The following QPCT variants were observed in gnomAD, a reference collection of about 807,000 sequenced individuals.
The protein encoded by QPCT is glutaminyl-peptide cyclotransferase.
A neutral mutation model predicts 43.4 loss-of-function variants in QPCT; 44 were observed. The ratio of observed to expected loss-of-function variants is 1.01; its 90% confidence interval spans 0.80 to 1.30. The LOEUF is 1.30. QPCT is among the 50% of genes most tolerant of loss of function. QPCT has a pLI of 0.00. For missense variants in QPCT, 526 were observed against 436.5 expected (o/e 1.21, Z -1.83); for synonymous variants, 168 against 168.4 (o/e 1.00, Z 0.02).
chr2:37,372,306 T>C (rs1235697647), intron 5 of QPCT, 50 bp from the exon 6 acceptor site: 2 of 1,285,020 alleles, frequency 1.6e-6, no homozygotes, highest in Non-Finnish European at 2.3e-6. Context: ...ATTATGAGTC[T>C]TGATAAGATA....
rs1199567079 is a variant in QPCT at position 37,348,055 on chromosome 2, C to T, written c.120+3204C>T. Among the ~76,000 whole-genome samples, 9 of 99,930 alleles carry T rather than the reference C, an allele frequency of 9.0e-5. No homozygotes were observed. The East Asian group carries it at 1.4e-3, about 16-fold the overall frequency. The allele number at this position is 99,930 out of a possible 152,430, so 65.6% of individuals were successfully genotyped here. On this transcript the variant is annotated intron_variant, in intron 1 of 6. Transcript: ENST00000338415. ...TTATTTCTATCTCTCTCTCTCTGCG[C>T]GCGCACGCGTGTGTGTGTGTGTGTG...
chr2:37,366,033 G>A (rs1672952341), intron 3 of QPCT, among the ~76,000 whole-genome samples: 1 of 152,222 alleles, frequency 6.6e-6, no homozygotes. Flanking sequence ...AGGCAGAAAG[G>A]GGCAAGGGAG....
intron 3 of QPCT, among the ~76,000 whole-genome samples, chr2:37,364,739 C>T (rs1417743590): frequency 6.6e-6 from 1 of 152,072 alleles, no homozygotes; most frequent in African/African-American, 2.4e-5. Context: ...CCGGGGGAAC[C>T]TCAGGAGATG....
chr2:37,354,224 A>G (rs72864855), intron 2 of QPCT, among the ~76,000 whole-genome samples: 25,503 of 152,136 alleles, frequency 0.17, 4,839 homozygotes, highest in African/African-American at 0.47. Flanking sequence ...AGATATCCAT[A>G]TGTCTGTGTC....
Position 37,352,904 on chromosome 2 carries a change from C to T in QPCT, c.236C>T (p.Pro79Leu), listed in dbSNP as rs200573148. Reference protein sequence around the residue: ...DLQPLLIERYPGSPGSYAARQ... With the variant: ...DLQPLLIERYLGSPGSYAARQ... The stretch of plus-strand genomic sequence containing the variant: ...CAGCCATTGCTGATAGAGCGATACC[C>T]GGGATCCCCTGGAAGCTATGCTGCT... The change falls in exon 2 of 7, where the codon CCG becomes CTG. Residue 79 changes from proline (P) to leucine (L), a missense_variant. By Grantham distance (98) the Pro-to-Leu change is moderately conservative. Transcript: ENST00000338415. The T allele has an allele frequency of 2.2e-5, 36 of 1,613,882 alleles. No homozygotes were observed. Among genetic ancestry groups the T allele is most frequent in the African/African-American group, 4.0e-5 (3 of 74,898 alleles).
chr2:37,354,746 G>A (rs1169782792), intron 2 of QPCT, among the ~76,000 whole-genome samples: 2 of 152,050 alleles, frequency 1.3e-5, no homozygotes, highest in Non-Finnish European at 2.9e-5. Context: ...GCATTTAATT[G>A]GCATTTTCCA....
At chr2:37,359,970 G>T in intron 3 of QPCT, 112 bp downstream of exon 3, 1 of 1,150,698 alleles carries the variant, frequency 8.7e-7, no homozygotes, top group Non-Finnish European at 1.2e-6. Flanking sequence ...GGAGACTTTT[G>T]GTACATTTTT....
In QPCT at chr2:37,352,731, A is replaced by G. The variant is rs1572729469; in HGVS notation, c.121-58A>G. On this transcript the variant is annotated intron_variant, in intron 1 of 6. Coordinates refer to ENST00000338415, the MANE Select transcript of QPCT (RefSeq NM_012413.4). ...TTAAGCAATTAATTGAAAACATGTC[A>G]GAGTCTTAAACATGTTATGAAAGGA... 12 of 1,557,862 alleles carry G rather than the reference A, an allele frequency of 7.7e-6. 1 individual carries two copies. Among genetic ancestry groups the G allele is most frequent in the Non-Finnish European group, 1.8e-6 (2 of 1,135,594 alleles).
intron 2 of QPCT, among the ~76,000 whole-genome samples, chr2:37,357,895 A>G (rs1174981491): frequency 1.3e-5 from 2 of 152,114 alleles, no homozygotes; most frequent in East Asian, 3.8e-4. Flanking sequence ...AAAAAAAAAT[A>G]AAAGCCCTCA....
chr2:37,357,793 T>C (rs775569574), intron 2 of QPCT, among the ~76,000 whole-genome samples: 41 of 152,148 alleles, frequency 2.7e-4, no homozygotes, highest in Non-Finnish European at 5.0e-4. Context: ...CGCAGTTGTT[T>C]TGAGTCTCTT....
At chr2:37,358,543 A>G (rs547751337) in intron 2 of QPCT, among the ~76,000 whole-genome samples, 37 of 152,224 alleles carry the variant, frequency 2.4e-4, no homozygotes, top group Non-Finnish European at 5.1e-4. Flanking sequence ...ATGAATCAGC[A>G]ATGAACTCAC....
chr2:37,364,756 G>C (rs1487849147), intron 3 of QPCT, among the ~76,000 whole-genome samples: 2 of 152,080 alleles, frequency 1.3e-5, no homozygotes, highest in Non-Finnish European at 2.9e-5. Flanking sequence ...GATGAGTTTT[G>C]ACACTTTGTT....
intron 1 of QPCT, among the ~76,000 whole-genome samples, chr2:37,347,811 C>T (rs1365669647): frequency 6.6e-6 from 1 of 152,128 alleles, no homozygotes; most frequent in South Asian, 2.1e-4. Context: ...TCCTTAGGTG[C>T]GAATGACTGA....
At chr2:37,370,630 C>G (rs893850656) in intron 5 of QPCT, among the ~76,000 whole-genome samples, 1 of 151,976 alleles carries the variant, frequency 6.6e-6, no homozygotes, top group Admixed American at 6.6e-5. Context: ...TCCAAAGAAG[C>G]AAGAGATCAG....
chr2:37,344,689 C>G lies in QPCT; in HGVS notation c.-43C>G. The G allele has an allele frequency of 6.4e-7, 1 of 1,566,630 alleles. No individual in the cohort carries two copies. Among genetic ancestry groups the G allele is most frequent in the Non-Finnish European group, 8.6e-7 (1 of 1,158,136 alleles). On this transcript the variant is annotated 5_prime_UTR_variant, in exon 1 of 7. Transcript: ENST00000338415. ...GGACGCGCGTTCCCGGGCTCGTGAC[C>G]GCCAGCGGCCCGGGGAACCCGCTCC...
chr2:37,354,901 C>G (rs1672709157), intron 2 of QPCT, among the ~76,000 whole-genome samples: 1 of 151,986 alleles, frequency 6.6e-6, no homozygotes. Flanking sequence ...GCCTGAGGTT[C>G]TTTGCCTGCA....
chr2:37,346,937 G>C (rs1025103675), intron 1 of QPCT, among the ~76,000 whole-genome samples: 2 of 151,432 alleles, frequency 1.3e-5, no homozygotes, highest in African/African-American at 2.4e-5. Flanking sequence ...CCTTCGTTTT[G>C]AAATAAAGAT....
Position 37,372,362 on chromosome 2 carries a change from A to G in QPCT, c.830A>G (p.Glu277Gly), listed in dbSNP as rs766397861. 1.3e-5 allele frequency: 21 copies of G among 1,609,666 alleles called. No homozygotes were observed. The highest frequency in any genetic ancestry group is 1.8e-5 in the Non-Finnish European group (21 of 1,176,034). ...WFERLQAIEH[E>G]LHELGLLKDH... Reference sequence around the variant, plus strand: ...GTATAATTGTCATCTACAGAACATGAACTTCATGAATTGGGTTTGCTCAAG... The same window carrying G: ...GTATAATTGTCATCTACAGAACATGGACTTCATGAATTGGGTTTGCTCAAG... The change falls in exon 6 of 7, where the codon GAA (glutamate) becomes GGA (glycine). Residue 277 changes from glutamate (E) to glycine (G), a missense_variant. By Grantham distance (98) the Glu-to-Gly change is moderately conservative. Coordinates refer to ENST00000338415, the MANE Select transcript of QPCT (RefSeq NM_012413.4).
At chr2:37,354,160 G>A (rs1400728770) in intron 2 of QPCT, among the ~76,000 whole-genome samples, 1 of 152,158 alleles carries the variant, frequency 6.6e-6, no homozygotes, top group South Asian at 2.1e-4. Flanking sequence ...CACCGCGTCC[G>A]GCTGAGCTCT....
Sources: gnomAD v4.1 joint callset for allele counts (sites outside exome capture counted in the v4.1 genomes callset) on GRCh38, gnomAD v4.1.1 for gene constraint, MANE v1.5 for transcripts, NCBI Gene and HGNC (gene_info 2026-07-23, HGNC 2026-07-21) for gene names.